SAMD12: variants seen among roughly 807,000 people sequenced by gnomAD.
SAMD12 encodes the protein sterile alpha motif domain-containing protein 12.
A neutral mutation model predicts 15.0 loss-of-function variants in SAMD12; 9 were observed. The observed-to-expected ratio is 0.60, with a 90% CI of 0.36 to 1.05. SAMD12 has a LOEUF of 1.05. Among genes scored for constraint, SAMD12 ranks in the 50% least tolerant of loss-of-function variants. The pLI is 0.01. For synonymous variants in SAMD12, 86 were observed against 90.1 expected (o/e 0.96, Z 0.25); for missense variants, 230 against 234.2 (o/e 0.98, Z 0.12).
rs1477064076 is a variant in SAMD12, at chr8:118,379,577, A to C, written c.446T>G (p.Leu149Arg). 6.2e-7 allele frequency: 1 copy of C among 1,613,838 alleles called. No homozygotes were observed. Among genetic ancestry groups the C allele is most frequent in the Non-Finnish European group, 8.5e-7 (1 of 1,179,920 alleles). Residue 149 changes from leucine (L) to arginine (R), a missense_variant, in exon 4 of 4, where the codon CTA (leucine) becomes CGA (arginine). Leu to Arg is a moderately radical substitution (Grantham distance 102). Transcript: ENST00000314727. ...TAGGGTACCTTGTGTGAGTAACTGTAGATTTCTGACTTCTTCTCGCACCTT... is the reference window on the plus strand; with the variant it reads ...TAGGGTACCTTGTGTGAGTAACTGTCGATTTCTGACTTCTTCTCGCACCTT... Reference protein sequence around the residue: ...QLKVREEVRNLQLLTQGTLLL... With the variant: ...QLKVREEVRNRQLLTQGTLLL...
chr8:118,594,359 AG>A lies in SAMD12; in HGVS notation c.14-13467del, dbSNP rs149550507. 9.8e-5 allele frequency among the ~76,000 whole-genome samples: 15 copies of A among 152,286 alleles called. No individual in the cohort carries two copies. The East Asian group carries it at 2.7e-3, about 27-fold the overall frequency. ...TAACCCCATTTTATGAAATTAGATA[AG>A]ATACATTAAGTGTGTATGTATCTGT... On this transcript the variant is annotated intron_variant, in intron 1 of 3. Coordinates refer to ENST00000314727, the MANE Select transcript of SAMD12 (RefSeq NM_207506.3).
intron 3 of SAMD12, among the ~76,000 whole-genome samples, chr8:118,407,333 TTC>T (rs58664883): frequency 0.17 from 25,461 of 152,062 alleles, 2,313 homozygotes; most frequent in Middle Eastern, 0.2. Context: ...ACTTGTAATT[TTC>T]TGTTTTTCAA....
chr8:118,612,317 A>G (rs2460966), intron 1 of SAMD12, among the ~76,000 whole-genome samples: 137,247 of 152,234 alleles, frequency 0.9, 61,979 homozygotes, highest in Middle Eastern at 0.97. Context: ...AAAACAGAAC[A>G]TGATGACAAA....
chr8:118,332,102 A>AG (rs1338976805), intron 4 of SAMD12, among the ~76,000 whole-genome samples: 1 of 152,210 alleles, frequency 6.6e-6, no homozygotes, highest in Non-Finnish European at 1.5e-5. Context: ...TTCAAAAAAA[A>AG]GGGGGACAAA....
At chr8:118,286,150 C>T (rs1293515676) in intron 4 of SAMD12, among the ~76,000 whole-genome samples, 2 of 140,934 alleles carry the variant, frequency 1.4e-5, no homozygotes, top group Non-Finnish European at 3.0e-5. Flanking sequence ...GGGGACATCA[C>T]ACACCGGGGC....
intron 1 of SAMD12, among the ~76,000 whole-genome samples, chr8:118,613,419 A>C (rs889526166): frequency 2.0e-5 from 3 of 152,232 alleles, no homozygotes; most frequent in Non-Finnish European, 4.4e-5. Context: ...TCTTAGAACA[A>C]AAAAATCCAT....
At chr8:118,509,800 C>T (rs989594620) in intron 2 of SAMD12, among the ~76,000 whole-genome samples, 1 of 152,182 alleles carries the variant, frequency 6.6e-6, no homozygotes, top group Non-Finnish European at 1.5e-5. Context: ...ATATCCAACA[C>T]TGACTATTGT....
At chr8:118,573,997 AG>A (rs1392245947) in intron 2 of SAMD12, among the ~76,000 whole-genome samples, 4 of 152,212 alleles carry the variant, frequency 2.6e-5, no homozygotes, top group Non-Finnish European at 5.9e-5. Flanking sequence ...GACCAGAAAA[AG>A]TTATATGCAG....
chr8:118,348,353 G>A (rs149344602), intron 4 of SAMD12, among the ~76,000 whole-genome samples: 1 of 151,570 alleles, frequency 6.6e-6, no homozygotes, highest in African/African-American at 2.4e-5. Context: ...ACGGGCGTGA[G>A]CCACTGCTCC....
intron 4 of SAMD12, among the ~76,000 whole-genome samples, chr8:118,245,036 T>G (rs1023922104): frequency 6.6e-6 from 1 of 152,030 alleles, no homozygotes; most frequent in African/African-American, 2.4e-5. Context: ...AGCCCAGAGT[T>G]AAGGGAACTC....
chr8:118,272,595 C>G (rs2130117747), intron 4 of SAMD12, among the ~76,000 whole-genome samples: 1 of 152,270 alleles, frequency 6.6e-6, no homozygotes, highest in Admixed American at 6.5e-5. Context: ...AATTTCCAAA[C>G]TTTTATGGTC....
chr8:118,577,787 A>G lies in SAMD12; in HGVS notation c.192+2928T>C, dbSNP rs16891210. Among the ~76,000 whole-genome samples the G allele has an allele frequency of 6.5e-3, 986 of 152,190 alleles. 7 individuals are homozygous for G. Among genetic ancestry groups the G allele is most frequent in the African/African-American group, 0.021 (858 of 41,518 alleles). ...CACGTGGCCAAAAGACCCCACGATA[A>G]CTCACTTCTCTGACAAATAAACCAC... On this transcript the variant is annotated intron_variant, in intron 2 of 3. Transcript: ENST00000314727.
At chr8:118,411,151 T>G (rs1030460976) in intron 3 of SAMD12, among the ~76,000 whole-genome samples, 1 of 152,174 alleles carries the variant, frequency 6.6e-6, no homozygotes, top group Non-Finnish European at 1.5e-5. Flanking sequence ...TCCAGAAGAA[T>G]ATCAAAAGTT....
At chr8:118,295,851 A>T (rs904954163) in intron 4 of SAMD12, among the ~76,000 whole-genome samples, 3 of 151,936 alleles carry the variant, frequency 2.0e-5, no homozygotes, top group Non-Finnish European at 2.9e-5. Context: ...CACAATATAG[A>T]CCAGGCTGAT....
At chr8:118,281,042 T>C (rs1241547653) in intron 4 of SAMD12, among the ~76,000 whole-genome samples, 1 of 152,176 alleles carries the variant, frequency 6.6e-6, no homozygotes, top group African/African-American at 2.4e-5. Flanking sequence ...CATTCACATA[T>C]TATCTGAATT....
the SAMD12 span, among the ~76,000 whole-genome samples, chr8:118,154,675 T>C: frequency 1.3e-5 from 2 of 152,182 alleles, no homozygotes; most frequent in Non-Finnish European, 2.9e-5. Context: ...CAAGAATCTA[T>C]ATAGCCGTAA....
intron 3 of SAMD12, among the ~76,000 whole-genome samples, chr8:118,397,385 C>T (rs1182407243): frequency 6.6e-6 from 1 of 152,072 alleles, no homozygotes; most frequent in Non-Finnish European, 1.5e-5. Flanking sequence ...AAGTATGGTT[C>T]AGGAAAAAGC....
At chr8:118,139,215 T>TA in the SAMD12 span, among the ~76,000 whole-genome samples, 11,988 of 140,176 alleles carry the variant, frequency 0.086, 743 homozygotes, top group Admixed American at 0.16. Flanking sequence ...TGGCAGACAT[T>TA]AAAAAAAAAA....
chr8:118,463,673 A>C (rs1823502142), intron 2 of SAMD12, among the ~76,000 whole-genome samples: 1 of 152,082 alleles, frequency 6.6e-6, no homozygotes, highest in Non-Finnish European at 1.5e-5. Flanking sequence ...AGCCGGAAAA[A>C]ACCCAGGTGG....
Sources: gnomAD v4.1 joint callset for allele counts (sites outside exome capture counted in the v4.1 genomes callset) on GRCh38, gnomAD v4.1.1 for gene constraint, MANE v1.5 for transcripts, NCBI Gene and HGNC (gene_info 2026-07-23, HGNC 2026-07-21) for gene names.